The following PPP2R5D variants were observed in gnomAD, a reference collection of about 807,000 sequenced individuals.
PPP2R5D encodes protein phosphatase 2 regulatory subunit B'delta.
PPP2R5D carries 12 observed loss-of-function variants against 79.1 expected under a neutral mutation model. The observed-to-expected ratio is 0.15, with a 90% CI of 0.10 to 0.25. The LOEUF is 0.25. Among genes scored for constraint, PPP2R5D ranks in the 10% least tolerant of loss-of-function variants. The pLI is 1.00. For synonymous variants in PPP2R5D, 277 were observed against 286.6 expected (o/e 0.97, Z 0.34); for missense variants, 419 against 760.2 (o/e 0.55, Z 5.28).
Position 43,010,573 on chromosome 6 carries a change from A to G in PPP2R5D, c.1481+4A>G. The G allele has an allele frequency of 6.2e-7, 1 of 1,613,772 alleles. No homozygotes were observed. The highest frequency in any genetic ancestry group is 2.2e-5 in the East Asian group (1 of 44,876). On this transcript the variant is annotated splice_donor_region_variant and intron_variant, in intron 13 of 15. Transcript: ENST00000485511. This position sits in a 1 kb window ranked among gnomAD's most constrained non-coding sequence, Gnocchi z 4.7. ...AATACAAGGCAGAGAAGCAGAAGTG[A>G]GTATCTCTCTCCCCGGGAGACTTTC...
chr6:42,987,438 G>A (rs1770935692), intron 1 of PPP2R5D, among the ~76,000 whole-genome samples: 1 of 151,920 alleles, frequency 6.6e-6, no homozygotes, highest in Non-Finnish European at 1.5e-5. Context: ...TAATAACATT[G>A]ACCAGCACTA....
intron 2 of PPP2R5D, among the ~76,000 whole-genome samples, chr6:43,002,287 C>T (rs1381109256): frequency 6.6e-6 from 1 of 152,100 alleles, no homozygotes; most frequent in East Asian, 1.9e-4. Context: ...CCCCAGCCTC[C>T]CGAGTAGCTG....
chr6:42,986,851 T>C (rs1770890833), intron 1 of PPP2R5D, among the ~76,000 whole-genome samples: 1 of 151,504 alleles, frequency 6.6e-6, no homozygotes, highest in Non-Finnish European at 1.5e-5. Context: ...TGGGAAAGGG[T>C]GTTGGAAGTA....
At chr6:43,005,960 A>G (rs950147332) in intron 2 of PPP2R5D, among the ~76,000 whole-genome samples, 2 of 152,178 alleles carry the variant, frequency 1.3e-5, no homozygotes, top group Non-Finnish European at 2.9e-5. Flanking sequence ...TACATTCAGT[A>G]AAGGATCTTA....
At position 43,011,317 on chromosome 6, in the gene PPP2R5D, C is replaced by G. The variant is rs779806608; in HGVS notation, c.*31C>G. 7.4e-6 allele frequency: 12 copies of G among 1,612,674 alleles called. No homozygotes were observed. ...CACGTTCCTACCACAGGGCCACAGC[C>G]CACACAGCCCTGGGACACTGCCCTG... On this transcript the variant is annotated 3_prime_UTR_variant, in exon 16 of 16. Coordinates refer to ENST00000485511, the MANE Select transcript of PPP2R5D (RefSeq NM_006245.4).
At position 43,006,896 on chromosome 6, in the gene PPP2R5D, C is replaced by T. The variant is rs750499097; in HGVS notation, c.323-15C>T. On this transcript the variant is annotated splice_polypyrimidine_tract_variant and intron_variant, in intron 3 of 15. Transcript: ENST00000485511. This position sits in a 1 kb window ranked among gnomAD's most constrained non-coding sequence, Gnocchi z 4.7. Reference sequence around the variant, plus strand: ...AGGACTACAGAGGAGAACCTGACTGCTGGGGCCCCCACAGATTCGCCAACC... The same window carrying T: ...AGGACTACAGAGGAGAACCTGACTGTTGGGGCCCCCACAGATTCGCCAACC... The T allele has an allele frequency of 1.2e-6, 2 of 1,613,406 alleles. No individual in the cohort carries two copies. Among genetic ancestry groups the T allele is most frequent in the Non-Finnish European group, 1.7e-6 (2 of 1,179,992 alleles).
chr6:42,997,286 G>A (rs1430325577), intron 2 of PPP2R5D, among the ~76,000 whole-genome samples: 10 of 151,764 alleles, frequency 6.6e-5, no homozygotes, highest in African/African-American at 2.2e-4. Context: ...TCCGCCTCCC[G>A]GACTGAAGTG....
At position 43,008,228 on chromosome 6, in the gene PPP2R5D, C is replaced by A; in HGVS notation, c.885C>A (p.Asn295Lys). Residue 295 changes from asparagine (N) to lysine (K), a missense_variant, in exon 8 of 16, where the codon AAC becomes AAA. Asn to Lys is a moderately conservative substitution (Grantham distance 94, BLOSUM62 0). This residue lies in a region of PPP2R5D where 196 missense variants were observed against 424.5 expected (regional missense o/e 0.46). Coordinates refer to ENST00000485511, the MANE Select transcript of PPP2R5D (RefSeq NM_006245.4). This position sits in a 1 kb window ranked among gnomAD's most constrained non-coding sequence, Gnocchi z 4.2. ...YRFIYETEHHNGIAELLEILG... is the reference protein window; with the variant it reads ...YRFIYETEHHKGIAELLEILG... ...TCATCTACGAGACGGAGCATCACAA[C>A]GGGATTGCTGAGCTCCTGGAGATCC... 6.2e-7 allele frequency: 1 copy of A among 1,614,130 alleles called. No homozygotes were observed. The highest frequency in any genetic ancestry group is 8.5e-7 in the Non-Finnish European group (1 of 1,180,028).
At chr6:42,986,975 G>T (rs1362125612) in intron 1 of PPP2R5D, among the ~76,000 whole-genome samples, 2 of 152,140 alleles carry the variant, frequency 1.3e-5, no homozygotes, top group Non-Finnish European at 2.9e-5. Context: ...GGGGCAGGGG[G>T]GTTGCCAGTG....
chr6:43,008,830 G>T lies in PPP2R5D; in HGVS notation c.1080+84G>T, dbSNP rs1581857949. The T allele has an allele frequency of 6.7e-7, 1 of 1,481,736 alleles. No homozygotes were observed. 91.8% of individuals were successfully genotyped at this position (1,481,736 alleles called of 1,614,324 possible). A position where few individuals can be genotyped will look rare whatever the true frequency, so the allele number is the denominator to read the frequency against. Reference sequence around the variant, plus strand: ...TGTACCTACTGGGGGTGCCATAAGGGGGAACTCAGGAGGGCTGTGACCTGA... The same window carrying T: ...TGTACCTACTGGGGGTGCCATAAGGTGGAACTCAGGAGGGCTGTGACCTGA... On this transcript the variant is annotated intron_variant, in intron 10 of 15. Transcript: ENST00000485511. This position sits in a 1 kb window ranked among gnomAD's most constrained non-coding sequence, Gnocchi z 4.2.
chr6:43,007,804 T>C lies in PPP2R5D; in HGVS notation c.727-131T>C. 8.4e-7 allele frequency: 1 copy of C among 1,188,846 alleles called. No homozygotes were observed. The highest frequency in any genetic ancestry group is 1.2e-6 in the Non-Finnish European group (1 of 827,606). The allele number at this position is 1,188,846 out of a possible 1,614,324, so 73.6% of individuals were successfully genotyped here. ...AGAATCAGCAATATAATAGAATCAC[T>C]GCTTTCTAAGACTTGCTGGCCCCCA... is the stretch of plus-strand genomic sequence containing the variant. On this transcript the variant is annotated intron_variant, in intron 6 of 15. Transcript: ENST00000485511. The surrounding 1 kb of genome is among the most constrained non-coding windows in gnomAD (Gnocchi z 4.5).
At position 43,009,833 on chromosome 6, in the gene PPP2R5D, G is replaced by A. The variant is rs1762263314; in HGVS notation, c.1379+384G>A. On this transcript the variant is annotated intron_variant, in intron 12 of 15. Transcript: ENST00000485511. This position sits in a 1 kb window ranked among gnomAD's most constrained non-coding sequence, Gnocchi z 5.6. The stretch of plus-strand genomic sequence containing the variant: ...TGTAATCCTAGCACTTTGGGAGGCT[G>A]GCAAGGCGGGTGGATCACGAGGTCA... Among the ~76,000 whole-genome samples, 1 of 152,096 alleles carries A rather than the reference G, an allele frequency of 6.6e-6. No homozygotes were observed. The highest frequency in any genetic ancestry group is 1.5e-5 in the Non-Finnish European group (1 of 68,000).
At position 42,989,437 on chromosome 6, in the gene PPP2R5D, G is replaced by A. The variant is rs1403164278; in HGVS notation, c.28-174G>A. Among the ~76,000 whole-genome samples, 4 of 152,286 alleles carry A rather than the reference G, an allele frequency of 2.6e-5. No homozygotes were observed. The East Asian group carries it at 7.7e-4, about 29-fold the overall frequency. On this transcript the variant is annotated intron_variant, in intron 1 of 15. Transcript: ENST00000485511. ...ACCAGATTCTAAACTCTTTGGAGGG[G>A]CTGAATCTCCTTCTGCGTAGATCCC... is the stretch of plus-strand genomic sequence containing the variant.
rs1437917476 is a variant in PPP2R5D, at chr6:43,008,215, C to T, written c.872C>T (p.Thr291Met). The T allele has an allele frequency of 1.9e-6, 3 of 1,614,112 alleles. No individual in the cohort carries two copies. Among genetic ancestry groups the T allele is most frequent in the Non-Finnish European group, 2.5e-6 (3 of 1,180,018 alleles). The change falls in exon 8 of 16, where the codon ACG becomes ATG. Residue 291 changes from threonine (T) to methionine (M), a missense_variant. By Grantham distance (81) the Thr-to-Met change is moderately conservative (BLOSUM62 -1). Coordinates refer to ENST00000485511, the MANE Select transcript of PPP2R5D (RefSeq NM_006245.4). This position sits in a 1 kb window ranked among gnomAD's most constrained non-coding sequence, Gnocchi z 4.2. ...TCTTCCCTCAGGTTCATCTACGAGA[C>T]GGAGCATCACAACGGGATTGCTGAG... is the stretch of plus-strand genomic sequence containing the variant. ...NHIFYRFIYE[T>M]EHHNGIAELL...
intron 2 of PPP2R5D, among the ~76,000 whole-genome samples, chr6:42,999,537 T>A (rs1016834600): frequency 1.3e-5 from 2 of 152,084 alleles, no homozygotes; most frequent in African/African-American, 4.8e-5. Flanking sequence ...TATCAGCTCA[T>A]TGGGTGGTTT....
At chr6:42,999,747 A>T (rs1173600632) in intron 2 of PPP2R5D, among the ~76,000 whole-genome samples, 3 of 151,238 alleles carry the variant, frequency 2.0e-5, no homozygotes, top group African/African-American at 7.3e-5. Flanking sequence ...TTGTATTTTT[A>T]GTAGAGATAG....
At position 43,011,293 on chromosome 6, in the gene PPP2R5D, A is replaced by G. The variant is rs763047700; in HGVS notation, c.*7A>G. 1.9e-6 allele frequency: 3 copies of G among 1,613,608 alleles called. No individual in the cohort carries two copies. Among genetic ancestry groups the G allele is most frequent in the Non-Finnish European group, 1.7e-6 (2 of 1,179,960 alleles). On this transcript the variant is annotated 3_prime_UTR_variant, in exon 16 of 16. Coordinates refer to ENST00000485511, the MANE Select transcript of PPP2R5D (RefSeq NM_006245.4). ...CAGCCAGGAGGCTCTCTGACCCCTC[A>G]CGTTCCTACCACAGGGCCACAGCCC...
chr6:43,005,369 G>A (rs1406180485), intron 2 of PPP2R5D, among the ~76,000 whole-genome samples: 1 of 151,980 alleles, frequency 6.6e-6, no homozygotes, highest in Non-Finnish European at 1.5e-5. Flanking sequence ...TGGGAGACTT[G>A]AACTCCTGGG....
intron 2 of PPP2R5D, among the ~76,000 whole-genome samples, chr6:43,000,099 C>T (rs1772069287): frequency 6.6e-6 from 1 of 151,626 alleles, no homozygotes; most frequent in Non-Finnish European, 1.5e-5. Context: ...CCACGCCCAG[C>T]TAATTTTTGT....
Sources: allele counts gnomAD v4.1 joint callset (sites outside exome capture counted in the v4.1 genomes callset), GRCh38; gene constraint gnomAD v4.1.1; regional missense constraint gnomAD v4.1.1; non-coding constraint Gnocchi (gnomAD v3.1); transcripts MANE v1.5; gene names NCBI Gene and HGNC (gene_info 2026-07-23, HGNC 2026-07-21).